The following SLC2A13 variants were observed in gnomAD, a reference collection of about 807,000 sequenced individuals.
SLC2A13 encodes solute carrier family 2 member 13.
A neutral mutation model predicts 64.4 loss-of-function variants in SLC2A13; 32 were observed. The ratio of observed to expected loss-of-function variants is 0.50; its 90% CI spans 0.37 to 0.67. The LOEUF is 0.67. Among genes scored for constraint, SLC2A13 ranks in the 30% least tolerant of loss-of-function variants. The probability of loss-of-function intolerance (pLI) is 0.00; values close to 1 mark genes in which losing one functional copy is unlikely to be tolerated. For synonymous variants in SLC2A13, 338 were observed against 327.1 expected, an observed-to-expected ratio of 1.03 and a Z score of -0.36; for missense variants, 743 against 829.2, an observed-to-expected ratio of 0.90 and a Z score of 1.28.
intron 6 of SLC2A13, among the ~76,000 whole-genome samples, chr12:39,836,257 T>C (rs1798661890): frequency 6.6e-6 from 1 of 152,094 alleles, no homozygotes; most frequent in African/African-American, 2.4e-5. Flanking sequence ...TACTGTGGGA[T>C]GTGAGTGCTG....
chr12:39,815,102 C>G (rs1471383950), intron 7 of SLC2A13, among the ~76,000 whole-genome samples: 1 of 151,942 alleles, frequency 6.6e-6, no homozygotes, highest in Admixed American at 6.6e-5. Context: ...TGACCCAAGG[C>G]CATCTTCTGG....
chr12:39,897,776 T>C (rs923120165), intron 4 of SLC2A13, among the ~76,000 whole-genome samples: 1 of 152,194 alleles, frequency 6.6e-6, no homozygotes, highest in African/African-American at 2.4e-5. Context: ...TCATTTTCCT[T>C]CATTTACTTT....
At chr12:39,873,754 G>A (rs1944114888) in intron 4 of SLC2A13, among the ~76,000 whole-genome samples, 1 of 152,056 alleles carries the variant, frequency 6.6e-6, no homozygotes, top group Admixed American at 6.5e-5. Flanking sequence ...AACAGAATAA[G>A]TTGTCTAAAT....
intron 1 of SLC2A13, among the ~76,000 whole-genome samples, chr12:40,052,829 G>A (rs1008623829): frequency 7.2e-5 from 11 of 152,028 alleles, no homozygotes; most frequent in Admixed American, 2.6e-4. Flanking sequence ...AATGGCATAC[G>A]AGAAGAATGC....
chr12:40,093,698 A>G (rs1938840655), intron 1 of SLC2A13, among the ~76,000 whole-genome samples: 1 of 151,766 alleles, frequency 6.6e-6, no homozygotes, highest in Non-Finnish European at 1.5e-5. Flanking sequence ...GAGGCTTCCC[A>G]GCAGAGGAAA....
intron 4 of SLC2A13, among the ~76,000 whole-genome samples, chr12:39,892,516 A>T (rs1944639931): frequency 6.6e-6 from 1 of 151,842 alleles, no homozygotes; most frequent in African/African-American, 2.4e-5. Flanking sequence ...TAGTCAAAAG[A>T]TTTTTTTTTA....
chr12:39,811,048 T>C (rs1942142295), intron 7 of SLC2A13, among the ~76,000 whole-genome samples: 1 of 152,274 alleles, frequency 6.6e-6, no homozygotes, highest in Non-Finnish European at 1.5e-5. Context: ...AATGCAGTTT[T>C]CTTTGTGGGG....
intron 4 of SLC2A13, among the ~76,000 whole-genome samples, chr12:39,881,016 A>T (rs190890064): frequency 3.9e-5 from 6 of 152,366 alleles, no homozygotes; most frequent in African/African-American, 1.4e-4. Flanking sequence ...GTTACATGTG[A>T]TTGTTCCCAA....
chr12:39,769,263 T>C (rs1213574386), intron 7 of SLC2A13, among the ~76,000 whole-genome samples: 1 of 152,152 alleles, frequency 6.6e-6, no homozygotes, highest in Non-Finnish European at 1.5e-5. Flanking sequence ...TATCTTGTAA[T>C]CCTGAAATCT....
Position 40,105,333 on chromosome 12 carries a change from G to T in SLC2A13, c.476C>A (p.Thr159Asn). 6.3e-7 allele frequency: 1 copy of T among 1,597,518 alleles called. No individual in the cohort carries two copies. Among genetic ancestry groups the T allele is most frequent in the South Asian group, 1.1e-5 (1 of 89,058 alleles). The stretch of plus-strand genomic sequence containing the variant: ...CGCAGCCAGCACCGCGGAGCCGGCG[G>T]TGAAGAGGGCACTGGCCAGGAGGAT... ...AAILLASALF[T>N]AGSAVLAAAN... Residue 159 changes from threonine to asparagine, a missense_variant, in exon 1 of 10, where the codon ACC (threonine) becomes AAC (asparagine). By Grantham distance (65) the Thr-to-Asn change is moderately conservative (BLOSUM62 0). Around this residue, in one of 2 missense-constraint regions of SLC2A13, gnomAD observed 448 missense variants for 447.4 expected, o/e 1.00. Coordinates refer to ENST00000280871, the MANE Select transcript of SLC2A13 (RefSeq NM_052885.4). The surrounding 1 kb of genome is among the most constrained non-coding windows in gnomAD (Gnocchi z 4.2).
intron 6 of SLC2A13, among the ~76,000 whole-genome samples, chr12:39,834,900 T>C (rs1942965170): frequency 6.6e-6 from 1 of 152,094 alleles, no homozygotes; most frequent in African/African-American, 2.4e-5. Context: ...CTAATTGACC[T>C]TTTACAGAGA....
intron 7 of SLC2A13, among the ~76,000 whole-genome samples, chr12:39,784,104 G>A (rs1253684639): frequency 6.6e-6 from 1 of 152,190 alleles, no homozygotes; most frequent in African/African-American, 2.4e-5. Flanking sequence ...AACATTCCAT[G>A]CTCATGGATA....
intron 3 of SLC2A13, among the ~76,000 whole-genome samples, chr12:40,019,037 AATG>A (rs1253941274): frequency 2.6e-5 from 4 of 152,204 alleles, no homozygotes; most frequent in African/African-American, 9.6e-5. Context: ...TGTGTGTTGC[AATG>A]ATAATTTTGG....
intron 3 of SLC2A13, among the ~76,000 whole-genome samples, chr12:40,015,933 G>A (rs1947613376): frequency 6.6e-6 from 1 of 152,076 alleles, no homozygotes; most frequent in Non-Finnish European, 1.5e-5. Flanking sequence ...ACCATGTGAA[G>A]TGCCACGCAC....
intron 7 of SLC2A13, among the ~76,000 whole-genome samples, chr12:39,771,637 G>T (rs921715629): frequency 6.6e-6 from 1 of 152,104 alleles, no homozygotes; most frequent in Middle Eastern, 3.2e-3. Context: ...CTGACCCACA[G>T]GAAGTGCTAT....
chr12:39,960,935 T>A (rs756348216), intron 3 of SLC2A13, among the ~76,000 whole-genome samples: 22 of 149,492 alleles, frequency 1.5e-4, no homozygotes, highest in Non-Finnish European at 3.0e-4. Flanking sequence ...TTGGTAGAGA[T>A]GGGGTTTCAC....
At chr12:40,016,878 C>G (rs1476774475) in intron 3 of SLC2A13, among the ~76,000 whole-genome samples, 2 of 152,122 alleles carry the variant, frequency 1.3e-5, no homozygotes, top group Non-Finnish European at 2.9e-5. Flanking sequence ...ATGTTAGCAA[C>G]TAGAAGAAAA....
At chr12:39,986,265 G>C (rs185046186) in intron 3 of SLC2A13, among the ~76,000 whole-genome samples, 5 of 152,168 alleles carry the variant, frequency 3.3e-5, no homozygotes, top group African/African-American at 1.2e-4. Context: ...TTGGGGTGGG[G>C]AGTAGGGACA....
At chr12:39,849,787 G>T (rs1943416947) in intron 6 of SLC2A13, among the ~76,000 whole-genome samples, 1 of 151,820 alleles carries the variant, frequency 6.6e-6, no homozygotes, top group African/African-American at 2.4e-5. Context: ...GTCTTTTAAG[G>T]CTTTAATATT....
Sources: allele counts gnomAD v4.1 joint callset (sites outside exome capture counted in the v4.1 genomes callset), GRCh38; gene constraint gnomAD v4.1.1; regional missense constraint gnomAD v4.1.1; non-coding constraint Gnocchi (gnomAD v3.1); transcripts MANE v1.5; gene names NCBI Gene and HGNC (gene_info 2026-07-23, HGNC 2026-07-21).